DPY19L2: variants seen among roughly 807,000 people sequenced by gnomAD.
DPY19L2 encodes the protein dpy-19 like 2, also known as probable C-mannosyltransferase DPY19L2.
Under a neutral mutation model 97.9 loss-of-function variants are expected in DPY19L2, and 34 were observed. The observed-to-expected ratio is 0.35, with a 90% CI of 0.26 to 0.46. The LOEUF (loss-of-function observed/expected upper bound fraction) is 0.46, where lower values mean the gene tolerates loss of function less well. DPY19L2 is among the 20% of genes least tolerant of loss of function. The probability of loss-of-function intolerance (pLI) is 1.00; values close to 1 mark genes in which losing one functional copy is unlikely to be tolerated. For missense variants in DPY19L2, 623 were observed against 911.4 expected (o/e 0.68, Z 4.07); for synonymous variants, 230 against 307.9 (o/e 0.75, Z 2.65).
At position 63,566,012 on chromosome 12, in the gene DPY19L2, A is replaced by G. The variant is rs1386145435; in HGVS notation, c.2126+3212T>C. Among the ~76,000 whole-genome samples the G allele has an allele frequency of 3.3e-5, 5 of 152,184 alleles. 1 individual carries two copies. In the South Asian group the frequency reaches 1.0e-3, roughly 32 times the overall value. On this transcript the variant is annotated intron_variant, in intron 21 of 21. Transcript: ENST00000324472. Reference sequence around the variant, plus strand: ...ATACATTTTTCACTTCAGCTTTTCTAATGTTTACTCACATGATATCTTTTC... The same window carrying G: ...ATACATTTTTCACTTCAGCTTTTCTGATGTTTACTCACATGATATCTTTTC...
chr12:63,635,537 G>C (rs1001409864), intron 6 of DPY19L2, among the ~76,000 whole-genome samples: 1 of 151,994 alleles, frequency 6.6e-6, no homozygotes, highest in South Asian at 2.1e-4. Flanking sequence ...TAAAAACCTT[G>C]AAAAAAGATC....
chr12:63,623,557 A>G (rs1290724833), intron 8 of DPY19L2, among the ~76,000 whole-genome samples: 1 of 152,128 alleles, frequency 6.6e-6, no homozygotes, highest in Non-Finnish European at 1.5e-5. Flanking sequence ...TAAAACCTGT[A>G]GCCTACACTC....
intron 19 of DPY19L2, among the ~76,000 whole-genome samples, chr12:63,576,970 T>C (rs989984266): frequency 2.0e-5 from 3 of 152,004 alleles, no homozygotes; most frequent in Admixed American, 6.6e-5. Context: ...AGACCTAGAA[T>C]AGCCAAAGCT....
Position 63,570,869 on chromosome 12 carries a change from A to T in DPY19L2, c.1901-12T>A. 6.3e-7 allele frequency: 1 copy of T among 1,599,702 alleles called. No homozygotes were observed. The highest frequency in any genetic ancestry group is 8.5e-7 in the Non-Finnish European group (1 of 1,175,830). ...TGCAAAGACAGCATCTGAAAAAAAAAAAAGGATATATTCTTCAATTAAATG... is the reference window on the plus strand; with the variant it reads ...TGCAAAGACAGCATCTGAAAAAAAATAAAGGATATATTCTTCAATTAAATG... On this transcript the variant is annotated splice_polypyrimidine_tract_variant and intron_variant, in intron 19 of 21. Transcript: ENST00000324472.
intron 6 of DPY19L2, among the ~76,000 whole-genome samples, chr12:63,627,002 C>A (rs1284491508): frequency 6.6e-6 from 1 of 152,168 alleles, no homozygotes; most frequent in Admixed American, 6.5e-5. Flanking sequence ...TAGTCTCGAA[C>A]TCCTGACCTC....
intron 4 of DPY19L2, among the ~76,000 whole-genome samples, chr12:63,655,885 A>T (rs796138714): frequency 2.0e-4 from 30 of 152,238 alleles, no homozygotes; most frequent in African/African-American, 7.0e-4. Context: ...GCAATTGCAA[A>T]TACCCTTGCT....
At chr12:63,641,226 A>T (rs1892648716) in intron 6 of DPY19L2, among the ~76,000 whole-genome samples, 1 of 151,960 alleles carries the variant, frequency 6.6e-6, no homozygotes, top group African/African-American at 2.4e-5. Flanking sequence ...TTTTTTAAAA[A>T]AATAGAACAT....
At chr12:63,561,894 T>C (rs1231271315) in intron 21 of DPY19L2, among the ~76,000 whole-genome samples, 1 of 152,182 alleles carries the variant, frequency 6.6e-6, no homozygotes, top group Non-Finnish European at 1.5e-5. Context: ...GATGCGCCAT[T>C]TTCCATTTCC....
chr12:63,649,859 C>T (rs1332641526), intron 4 of DPY19L2, among the ~76,000 whole-genome samples: 1 of 152,078 alleles, frequency 6.6e-6, no homozygotes, highest in Non-Finnish European at 1.5e-5. Context: ...TGTGGCAAAG[C>T]CACAATGTAA....
chr12:63,655,889 C>A (rs934221481), intron 4 of DPY19L2, among the ~76,000 whole-genome samples: 1 of 152,020 alleles, frequency 6.6e-6, no homozygotes, highest in Admixed American at 6.5e-5. Flanking sequence ...TTGCAAATAC[C>A]CTTGCTAACC....
At chr12:63,655,257 C>CCATAAT (rs1894812558) in intron 4 of DPY19L2, among the ~76,000 whole-genome samples, 1 of 151,936 alleles carries the variant, frequency 6.6e-6, no homozygotes, top group Non-Finnish European at 1.5e-5. Context: ...CAAATTAAAG[C>CCATAAT]CATAATGATA....
At chr12:63,664,132 T>C (rs1277319996) in intron 2 of DPY19L2, among the ~76,000 whole-genome samples, 1 of 151,688 alleles carries the variant, frequency 6.6e-6, no homozygotes, top group Non-Finnish European at 1.5e-5. Context: ...AGGTGAGGAG[T>C]TCGAGACCAG....
intron 16 of DPY19L2, among the ~76,000 whole-genome samples, chr12:63,584,544 G>A (rs1190189331): frequency 2.0e-5 from 3 of 152,154 alleles, no homozygotes; most frequent in Non-Finnish European, 4.4e-5. Flanking sequence ...ATACTGAATA[G>A]TGAAATCTCA....
intron 17 of DPY19L2, 84 bp downstream of exon 17, chr12:63,583,726 TCA>T (rs1881328287): frequency 1.5e-6 from 2 of 1,375,984 alleles, no homozygotes; most frequent in Non-Finnish European, 2.0e-6. Flanking sequence ...TGAAGGTGCA[TCA>T]GCAGCAAGGT....
chr12:63,645,906 A>G (rs1893349936), intron 5 of DPY19L2, among the ~76,000 whole-genome samples: 2 of 152,068 alleles, frequency 1.3e-5, no homozygotes, highest in Non-Finnish European at 2.9e-5. Context: ...TCTTCAATGG[A>G]TAAAGTATAA....
intron 1 of DPY19L2, among the ~76,000 whole-genome samples, chr12:63,667,458 CT>C (rs552761665): frequency 5.3e-5 from 8 of 152,084 alleles, no homozygotes; most frequent in Non-Finnish European, 1.2e-4. Flanking sequence ...GCTTGAAGGG[CT>C]TATCACATGC....
intron 19 of DPY19L2, among the ~76,000 whole-genome samples, chr12:63,576,258 A>AGGTTTT (rs1171968994): frequency 6.6e-6 from 1 of 151,996 alleles, no homozygotes; most frequent in East Asian, 1.9e-4. Context: ...TCATGATAAA[A>AGGTTTT]ACCTTCAAAT....
intron 10 of DPY19L2, 99 bp downstream of exon 10, chr12:63,618,052 T>C: frequency 8.3e-7 from 1 of 1,200,768 alleles, no homozygotes; most frequent in East Asian, 2.6e-5. Context: ...GTATTAAATA[T>C]TACCAAAGAG....
chr12:63,619,896 G>T (rs1356909473), intron 9 of DPY19L2: 1 of 446,252 alleles, frequency 2.2e-6, no homozygotes, highest in Non-Finnish European at 4.5e-6. Context: ...CTACTCTGTT[G>T]GCATGTGCAA....
Sources: gnomAD v4.1 joint callset for allele counts (sites outside exome capture counted in the v4.1 genomes callset) on GRCh38, gnomAD v4.1.1 for gene constraint, MANE v1.5 for transcripts, NCBI Gene and HGNC (gene_info 2026-07-23, HGNC 2026-07-21) for gene names.